Variants in ROBO1 observed in about 807,000 individuals in gnomAD.
ROBO1 encodes the protein roundabout homolog 1.
ROBO1 carries 149 observed loss-of-function variants against 195.9 expected under a neutral mutation model. The ratio of observed to expected loss-of-function variants is 0.76; its 90% CI spans 0.67 to 0.87. The LOEUF (loss-of-function observed/expected upper bound fraction) is 0.87, where lower values mean the gene tolerates loss of function less well. Among genes scored for constraint, ROBO1 ranks in the 40% least tolerant of loss-of-function variants. ROBO1 has a pLI of 0.00. For missense variants in ROBO1, 1,933 were observed against 2,068.3 expected, an observed-to-expected ratio of 0.93 and a Z score of 1.27; for synonymous variants, 816 against 733.2, an observed-to-expected ratio of 1.11 and a Z score of -1.82.
intron 28 of ROBO1, among the ~76,000 whole-genome samples, chr3:78,614,220 T>A (rs187144100): frequency 3.9e-5 from 6 of 152,354 alleles, no homozygotes; most frequent in Admixed American, 1.3e-4. Context: ...ACACCACTGT[T>A]GTTAGAATTA....
chr3:79,280,814 G>C (rs1166813568), intron 2 of ROBO1, among the ~76,000 whole-genome samples: 1 of 152,152 alleles, frequency 6.6e-6, no homozygotes, highest in Non-Finnish European at 1.5e-5. Context: ...TTGCTCGCAT[G>C]CGCACTTCAC....
At chr3:78,735,294 G>A (rs1225897468) in intron 5 of ROBO1, among the ~76,000 whole-genome samples, 1 of 152,104 alleles carries the variant, frequency 6.6e-6, no homozygotes, top group East Asian at 1.9e-4. Context: ...TTTGACTACT[G>A]TGGTTTGATT....
intron 1 of ROBO1, among the ~76,000 whole-genome samples, chr3:79,643,150 A>G (rs1216366960): frequency 7.9e-5 from 12 of 151,818 alleles, no homozygotes; most frequent in Admixed American, 7.9e-4. Context: ...TCTGGCTTTC[A>G]TCTTTTTCTC....
At chr3:79,460,035 A>G (rs890792016) in intron 2 of ROBO1, among the ~76,000 whole-genome samples, 1 of 152,174 alleles carries the variant, frequency 6.6e-6, no homozygotes, top group Non-Finnish European at 1.5e-5. Flanking sequence ...AAAATAAAAC[A>G]AAGCATCAAT....
At chr3:79,021,980 GGACA>G (rs546824367) in intron 3 of ROBO1, among the ~76,000 whole-genome samples, 89 of 152,236 alleles carry the variant, frequency 5.8e-4, no homozygotes, top group African/African-American at 2.1e-3. Flanking sequence ...ATATTTCCGA[GGACA>G]GTCAGCAGTA....
At chr3:79,011,023 C>A (rs994006671) in intron 3 of ROBO1, among the ~76,000 whole-genome samples, 1 of 152,140 alleles carries the variant, frequency 6.6e-6, no homozygotes, top group Non-Finnish European at 1.5e-5. Flanking sequence ...TTTTCCACAG[C>A]CTGTACAAGA....
intron 3 of ROBO1, among the ~76,000 whole-genome samples, chr3:79,101,362 T>C (rs564361875): frequency 6.6e-6 from 1 of 151,962 alleles, no homozygotes; most frequent in African/African-American, 2.4e-5. Context: ...CCTCAGTTGT[T>C]AATGTGAGTC....
At chr3:78,919,160 G>A (rs1484311154) in intron 4 of ROBO1, among the ~76,000 whole-genome samples, 2 of 152,156 alleles carry the variant, frequency 1.3e-5, no homozygotes, top group Non-Finnish European at 2.9e-5. Flanking sequence ...ACCATAGGGA[G>A]ATTATGGTTA....
At chr3:79,046,712 T>C (rs749085039) in intron 3 of ROBO1, among the ~76,000 whole-genome samples, 5 of 152,070 alleles carry the variant, frequency 3.3e-5, no homozygotes, top group Non-Finnish European at 7.4e-5. Context: ...TTATGTTCGC[T>C]GGCAGCTGAT....
chr3:79,557,743 A>AAAAAAT (rs1472319919), intron 2 of ROBO1, among the ~76,000 whole-genome samples: 1 of 130,836 alleles, frequency 7.6e-6, no homozygotes, highest in African/African-American at 3.1e-5. Context: ...AACAAAAAAA[A>AAAAAAT]ATATATATAT....
In ROBO1 at chr3:79,176,639, G is replaced by A. The variant is rs370616283; in HGVS notation, c.89-51100C>T. Among the ~76,000 whole-genome samples the A allele has an allele frequency of 9.2e-3, 1,397 of 152,142 alleles. 21 individuals carry two copies. Among genetic ancestry groups the A allele is most frequent in the African/African-American group, 0.032 (1,319 of 41,488 alleles). On this transcript the variant is annotated intron_variant, in intron 2 of 30. Transcript: ENST00000464233. ...CATCTGGCTAATTTTTCTATTTTTA[G>A]TAGTGTTGAAATTTCACCATTTTAG...
chr3:79,267,049 A>G (rs1210010426), intron 2 of ROBO1, among the ~76,000 whole-genome samples: 3 of 151,432 alleles, frequency 2.0e-5, no homozygotes, highest in African/African-American at 7.3e-5. Flanking sequence ...ATGGCATGCT[A>G]TTCTATATGG....
chr3:78,653,441 C>A (rs945871085), intron 18 of ROBO1, among the ~76,000 whole-genome samples: 1 of 152,120 alleles, frequency 6.6e-6, no homozygotes, highest in Non-Finnish European at 1.5e-5. Context: ...TAAGAACCCA[C>A]CAGTAGGAAC....
chr3:79,365,007 G>C lies in ROBO1; in HGVS notation c.88+224817C>G, dbSNP rs187036703. ...TCCACTCTGACTGAGTTCTGAAAGAGCATGTTTAATCATTCCTCACTCTAT... is the reference window on the plus strand; with the variant it reads ...TCCACTCTGACTGAGTTCTGAAAGACCATGTTTAATCATTCCTCACTCTAT... On this transcript the variant is annotated intron_variant, in intron 2 of 30. Transcript: ENST00000464233. Among the ~76,000 whole-genome samples, 966 of 152,238 alleles carry C rather than the reference G, an allele frequency of 6.3e-3. 7 individuals are homozygous for C. Among genetic ancestry groups the C allele is most frequent in the Middle Eastern group, 0.048 (14 of 294 alleles).
intron 2 of ROBO1, among the ~76,000 whole-genome samples, chr3:79,287,695 G>A (rs2031974833): frequency 6.6e-6 from 1 of 151,986 alleles, no homozygotes. Context: ...GTCCTTACTT[G>A]CTTCAGTTTT....
At chr3:79,037,943 A>C (rs2078409757) in intron 3 of ROBO1, among the ~76,000 whole-genome samples, 1 of 152,218 alleles carries the variant, frequency 6.6e-6, no homozygotes, top group Admixed American at 6.5e-5. Context: ...AAATAAAAGT[A>C]GTTTTAAGTT....
intron 1 of ROBO1, among the ~76,000 whole-genome samples, chr3:79,599,575 C>T (rs764494347): frequency 2.6e-5 from 4 of 151,680 alleles, no homozygotes; most frequent in Admixed American, 1.3e-4. Flanking sequence ...ATTAAAGAAT[C>T]GATGGCAAAT....
intron 4 of ROBO1, among the ~76,000 whole-genome samples, chr3:78,808,106 T>C (rs1576205933): frequency 1.3e-5 from 2 of 152,324 alleles, no homozygotes; most frequent in African/African-American, 4.8e-5. Context: ...AAATAACTTA[T>C]TTCATAGGCT....
At chr3:79,138,962 C>A (rs866201272) in intron 2 of ROBO1, among the ~76,000 whole-genome samples, 4 of 151,648 alleles carry the variant, frequency 2.6e-5, no homozygotes, top group Non-Finnish European at 4.4e-5. Context: ...ATGTTATATT[C>A]TATTTTTGAA....
Sources: gnomAD v4.1 joint callset for allele counts (sites outside exome capture counted in the v4.1 genomes callset) on GRCh38, gnomAD v4.1.1 for gene constraint, MANE v1.5 for transcripts, NCBI Gene and HGNC (gene_info 2026-07-23, HGNC 2026-07-21) for gene names.